RNF169: variants seen among roughly 807,000 people sequenced by gnomAD.
RNF169 encodes ring finger protein 169.
Under a neutral mutation model 53.9 loss-of-function variants are expected in RNF169, and 24 were observed. That is an observed-to-expected ratio of 0.45 (90% CI 0.32 to 0.63). The LOEUF (loss-of-function observed/expected upper bound fraction) is 0.63, where lower values mean the gene tolerates loss of function less well. Ranked by LOEUF, RNF169 falls within the 20% of genes least tolerant of loss-of-function variation. The pLI is 0.04. For synonymous variants in RNF169, 396 were observed against 363.5 expected (o/e 1.09, Z -1.02); for missense variants, 883 against 906.2 (o/e 0.97, Z 0.33).
intron 2 of RNF169, among the ~76,000 whole-genome samples, chr11:74,796,682 TTGAAGGTGGGGGAAAAGC>T (rs2035654084): frequency 2.0e-5 from 3 of 151,878 alleles, no homozygotes; most frequent in African/African-American, 7.3e-5. Flanking sequence ...GGGGAAAAGA[TTGAAGGTGGGGGAAAAGC>T]AGCCTTGCTT....
chr11:74,761,967 ACATAGTCC>A (rs529705850), intron 1 of RNF169, among the ~76,000 whole-genome samples: 173 of 147,108 alleles, frequency 1.2e-3, no homozygotes, highest in African/African-American at 3.7e-3. Context: ...TGGTCTTTTC[ACATAGTCC>A]CATATTTCTT....
At chr11:74,804,224 A>G (rs1404334722) in intron 2 of RNF169, among the ~76,000 whole-genome samples, 1 of 152,098 alleles carries the variant, frequency 6.6e-6, no homozygotes, top group Non-Finnish European at 1.5e-5. Flanking sequence ...CTGTGATGGA[A>G]TGGTGTCCAG....
intron 1 of RNF169, among the ~76,000 whole-genome samples, chr11:74,777,049 G>C (rs1440277864): frequency 6.6e-6 from 1 of 152,150 alleles, no homozygotes; most frequent in Non-Finnish European, 1.5e-5. Flanking sequence ...TAGATGGAAA[G>C]ACAGAGTCTA....
At chr11:74,754,488 A>AT (rs1407508146) in intron 1 of RNF169, among the ~76,000 whole-genome samples, 3 of 152,162 alleles carry the variant, frequency 2.0e-5, no homozygotes, top group Non-Finnish European at 2.9e-5. Flanking sequence ...GGCAGTTTAA[A>AT]TTTTTTTATC....
chr11:74,755,773 A>C (rs1422400989), intron 1 of RNF169, among the ~76,000 whole-genome samples: 1 of 152,186 alleles, frequency 6.6e-6, no homozygotes, highest in Admixed American at 6.5e-5. Context: ...AAAGGCTTGA[A>C]GGTGCTTGGG....
chr11:74,774,514 A>G (rs745889862), intron 1 of RNF169, among the ~76,000 whole-genome samples: 6 of 152,168 alleles, frequency 3.9e-5, no homozygotes, highest in Non-Finnish European at 8.8e-5. Flanking sequence ...GATTCAACTT[A>G]CCCATTGAAC....
At chr11:74,819,216 C>T (rs1055440094) in intron 4 of RNF169, among the ~76,000 whole-genome samples, 4 of 152,062 alleles carry the variant, frequency 2.6e-5, no homozygotes, top group African/African-American at 9.7e-5. Flanking sequence ...TTTTTATCTT[C>T]TCTTGGAACA....
chr11:74,835,590 C>T lies in RNF169; in HGVS notation c.987C>T (p.Leu329=), dbSNP rs1197396474. Residue 329 remains leucine, a synonymous_variant, in exon 6 of 6, where the codon CTC becomes CTT. Coordinates refer to ENST00000299563, the MANE Select transcript of RNF169 (RefSeq NM_001098638.2). ...TPASNPIIGV[L]LSTQNNRCVS... is the part of the protein sequence containing the mutation. ...CCTCCAACCCCATCATTGGTGTCCT[C>T]TTGTCAACTCAAAACAACCGCTGCG... is the stretch of plus-strand genomic sequence containing the variant. The T allele has an allele frequency of 3.7e-6, 6 of 1,614,068 alleles. No homozygotes were observed. The highest frequency in any genetic ancestry group is 5.1e-6 in the Non-Finnish European group (6 of 1,180,034).
intron 3 of RNF169, 36 bp from the exon 4 acceptor site, chr11:74,817,560 A>C (rs776072829): frequency 2.9e-6 from 4 of 1,372,550 alleles, no homozygotes; most frequent in Non-Finnish European, 2.1e-6. Flanking sequence ...TGGGAACTCC[A>C]AATGGACAGT....
At position 74,817,616 on chromosome 11, in the gene RNF169, T is replaced by C; in HGVS notation, c.744T>C (p.Asp248=). The C allele has an allele frequency of 3.1e-6, 5 of 1,612,848 alleles. No individual in the cohort carries two copies. The highest frequency in any genetic ancestry group is 4.2e-6 in the Non-Finnish European group (5 of 1,178,802). The part of the protein sequence containing the change: ...NLERCPARLS[D]SENEEPSRGQ... ...GCCAGTGTCCTGCACGTCTCTCAGA[T>C]TCAGAGAATGAAGAACCTTCTCGAG... Residue 248 remains aspartate, a synonymous_variant, in exon 4 of 6, where the codon GAT becomes GAC. Transcript: ENST00000299563.
intron 4 of RNF169, 24 bp from the exon 5 acceptor site, chr11:74,834,652 C>T (rs765380518): frequency 1.8e-5 from 29 of 1,576,414 alleles, no homozygotes; most frequent in Admixed American, 1.4e-4. Flanking sequence ...TTTGACTACT[C>T]GTTTTTTATT....
chr11:74,753,700 G>GT (rs2135301427), intron 1 of RNF169, among the ~76,000 whole-genome samples: 1 of 152,268 alleles, frequency 6.6e-6, no homozygotes, highest in South Asian at 2.1e-4. Context: ...AAATGCACTG[G>GT]TATTTAAGTG....
chr11:74,750,565 A>G (rs1373997387), intron 1 of RNF169, among the ~76,000 whole-genome samples: 2 of 81,110 alleles, frequency 2.5e-5, no homozygotes, highest in African/African-American at 4.5e-5. Context: ...CTTACTTTCT[A>G]TGTTCCTTGT....
intron 1 of RNF169, among the ~76,000 whole-genome samples, chr11:74,755,457 C>A (rs2034966959): frequency 6.6e-6 from 1 of 152,138 alleles, no homozygotes; most frequent in Non-Finnish European, 1.5e-5. Flanking sequence ...AATTTCATTC[C>A]ACTAATTCAG....
In RNF169 at chr11:74,748,949, C is replaced by T. The variant is rs974850663; in HGVS notation, c.69C>T (p.Gly23=). The T allele has an allele frequency of 5.5e-6, 8 of 1,461,844 alleles. No individual in the cohort carries two copies. The highest frequency in any genetic ancestry group is 2.9e-5 in the East Asian group (1 of 34,570). 90.6% of individuals were successfully genotyped at this position (1,461,844 alleles called of 1,614,324 possible). Residue 23 remains glycine, a synonymous_variant, in exon 1 of 6, where the codon GGC becomes GGT. Transcript: ENST00000299563. ...CAGCAGCCGCTCTGAGTCGGCGGGG[C>T]CGGCGGGGCCGCTGTGACGAGACGG... ...AAAAAALSRR[G]RRGRCDETAA...
intron 2 of RNF169, among the ~76,000 whole-genome samples, chr11:74,795,139 A>G (rs1191749830): frequency 3.5e-5 from 5 of 143,328 alleles, no homozygotes; most frequent in Non-Finnish European, 6.1e-5. Flanking sequence ...AATACAATCT[A>G]TTTGGTGACT....
At chr11:74,806,519 A>G (rs2135112114) in intron 2 of RNF169, among the ~76,000 whole-genome samples, 1 of 152,342 alleles carries the variant, frequency 6.6e-6, no homozygotes, top group Non-Finnish European at 1.5e-5. Context: ...TTGGCACTCA[A>G]TTTATAAATA....
chr11:74,778,381 G>A (rs1442763448), intron 1 of RNF169, among the ~76,000 whole-genome samples: 1 of 151,618 alleles, frequency 6.6e-6, no homozygotes, highest in African/African-American at 2.4e-5. Context: ...TTTTCCATTT[G>A]TGAGTTCTAC....
intron 4 of RNF169, among the ~76,000 whole-genome samples, chr11:74,818,278 A>AGG (rs1218029487): frequency 3.9e-5 from 6 of 152,338 alleles, no homozygotes; most frequent in African/African-American, 1.2e-4. Context: ...GGAGGAAGGA[A>AGG]GGGAAGCAAA....
Sources: allele counts gnomAD v4.1 joint callset (sites outside exome capture counted in the v4.1 genomes callset), GRCh38; gene constraint gnomAD v4.1.1; transcripts MANE v1.5; gene names NCBI Gene and HGNC (gene_info 2026-07-23, HGNC 2026-07-21).